The following ADGRG6 variants were observed in gnomAD, a reference collection of about 807,000 sequenced individuals.
ADGRG6 encodes the protein G-protein coupled receptor 126.
A neutral mutation model predicts 142.4 loss-of-function variants in ADGRG6; 84 were observed. The ratio of observed to expected loss-of-function variants is 0.59; its 90% CI spans 0.49 to 0.71. ADGRG6 has a LOEUF of 0.71. ADGRG6 is among the 30% of genes least tolerant of loss of function. ADGRG6 has a pLI of 0.00. For synonymous variants in ADGRG6, 521 were observed against 520.5 expected (o/e 1.00, Z -0.01); for missense variants, 1,367 against 1,466.6 (o/e 0.93, Z 1.11).
At chr6:142,429,739 G>C (rs1215331591) in intron 22 of ADGRG6, among the ~76,000 whole-genome samples, 1 of 152,106 alleles carries the variant, frequency 6.6e-6, no homozygotes, top group Non-Finnish European at 1.5e-5. Context: ...ACTAGTTCTT[G>C]ACCAGTTTTT....
chr6:142,344,494 A>G (rs1273274211), intron 2 of ADGRG6, among the ~76,000 whole-genome samples: 1 of 152,008 alleles, frequency 6.6e-6, no homozygotes, highest in Non-Finnish European at 1.5e-5. Context: ...CACATTTTAA[A>G]GAAAACAGTG....
chr6:142,446,151 T>A lies in ADGRG6; in HGVS notation c.*2636T>A, dbSNP rs903076276. ...TTTGAATATGATGAATAAAAGTGACTGTGAGTGCAAATAGAATTAGCAGTA... is the reference window on the plus strand; with the variant it reads ...TTTGAATATGATGAATAAAAGTGACAGTGAGTGCAAATAGAATTAGCAGTA... On this transcript the variant is annotated 3_prime_UTR_variant, in exon 25 of 25. Coordinates refer to ENST00000367609, the MANE Select transcript of ADGRG6 (RefSeq NM_198569.3). The A allele has an allele frequency of 6.6e-6, 1 of 152,642 alleles. No homozygotes were observed. Among genetic ancestry groups the A allele is most frequent in the Non-Finnish European group, 1.5e-5 (1 of 68,034 alleles). The allele number at this position is 152,642 out of a possible 1,614,324, so 9.5% of individuals were successfully genotyped here. A position where few individuals can be genotyped will look rare whatever the true frequency, so the allele number is the denominator to read the frequency against.
intron 17 of ADGRG6, 117 bp downstream of exon 17, chr6:142,410,036 T>TA: frequency 2.3e-6 from 1 of 443,320 alleles, no homozygotes; most frequent in Non-Finnish European, 4.1e-6. Flanking sequence ...AATGTAAGTG[T>TA]AAATGGCAAA....
At chr6:142,316,673 T>G (rs1778091742) in intron 2 of ADGRG6, among the ~76,000 whole-genome samples, 1 of 152,190 alleles carries the variant, frequency 6.6e-6, no homozygotes, top group South Asian at 2.1e-4. Flanking sequence ...AAGAATAGTT[T>G]AGCTGTATCA....
intron 7 of ADGRG6, among the ~76,000 whole-genome samples, chr6:142,392,165 A>G (rs1774927731): frequency 6.6e-6 from 1 of 151,980 alleles, no homozygotes; most frequent in South Asian, 2.1e-4. Flanking sequence ...TCAGTTTTAG[A>G]AATGCTTAAA....
chr6:142,370,081 G>C, intron 3 of ADGRG6, 89 bp from the exon 4 acceptor site: 1 of 1,123,500 alleles, frequency 8.9e-7, no homozygotes, highest in Non-Finnish European at 1.3e-6. Flanking sequence ...TTAACTAGTA[G>C]AAAGCGATGG....
chr6:142,378,286 C>T (rs77339265), intron 4 of ADGRG6, among the ~76,000 whole-genome samples: 4,645 of 152,204 alleles, frequency 0.031, 100 homozygotes, highest in Non-Finnish European at 0.044. Flanking sequence ...CTTTGTCTTC[C>T]AGAGATATTG....
intron 4 of ADGRG6, 70 bp from the exon 5 acceptor site, chr6:142,381,881 C>T (rs1005188279): frequency 6.5e-5 from 61 of 938,304 alleles, no homozygotes; most frequent in Middle Eastern, 2.1e-4. Context: ...TTACATCAAC[C>T]GTATGATTTT....
chr6:142,375,306 C>T (rs747921423), intron 4 of ADGRG6, among the ~76,000 whole-genome samples: 2 of 152,130 alleles, frequency 1.3e-5, no homozygotes, highest in African/African-American at 4.8e-5. Flanking sequence ...GTGAACTTAA[C>T]GGAGTCAATA....
At chr6:142,318,959 G>A (rs1778386905) in intron 2 of ADGRG6, among the ~76,000 whole-genome samples, 1 of 152,064 alleles carries the variant, frequency 6.6e-6, no homozygotes, top group South Asian at 2.1e-4. Flanking sequence ...CTACAGTTCT[G>A]TAAGTAAGAT....
intron 2 of ADGRG6, among the ~76,000 whole-genome samples, chr6:142,317,878 ATATATATTTATAT>A (rs1339334900): frequency 6.5e-5 from 5 of 77,474 alleles, no homozygotes; most frequent in Non-Finnish European, 4.4e-5. Context: ...TTTATATATT[ATATATATTTATAT>A]TATATATTTA....
At chr6:142,308,889 G>T (rs990594768) in intron 1 of ADGRG6, among the ~76,000 whole-genome samples, 1 of 151,744 alleles carries the variant, frequency 6.6e-6, no homozygotes, top group Non-Finnish European at 1.5e-5. Context: ...TCATGCAGAA[G>T]GATAGTTGAG....
intron 2 of ADGRG6, among the ~76,000 whole-genome samples, chr6:142,361,087 T>G (rs891102160): frequency 6.6e-6 from 1 of 152,210 alleles, no homozygotes; most frequent in African/African-American, 2.4e-5. Context: ...CTTGAAATTC[T>G]TAGAGAAAGA....
At chr6:142,392,905 A>G (rs751060908) in intron 7 of ADGRG6, 43 bp from the exon 8 acceptor site, 14 of 1,333,930 alleles carry the variant, frequency 1.0e-5, no homozygotes, top group Non-Finnish European at 1.2e-5. Flanking sequence ...GATATTTTTT[A>G]AAGGTATTAG....
chr6:142,410,465 G>T (rs1386680390), intron 17 of ADGRG6, among the ~76,000 whole-genome samples: 2 of 146,828 alleles, frequency 1.4e-5, no homozygotes, highest in Non-Finnish European at 3.0e-5. Flanking sequence ...ATTAAGGGAT[G>T]AATCAATCAG....
At chr6:142,437,356 T>C (rs1037896699) in intron 22 of ADGRG6, 78 bp from the exon 23 acceptor site, 2 of 693,990 alleles carry the variant, frequency 2.9e-6, no homozygotes, top group Non-Finnish European at 2.5e-6. Flanking sequence ...AAAATTAAAA[T>C]GAATCCATGT....
Position 142,370,492 on chromosome 6 carries a change from T to C in ADGRG6, c.768T>C (p.Val256=). 6.2e-7 allele frequency: 1 copy of C among 1,613,662 alleles called. No homozygotes were observed. The highest frequency in any genetic ancestry group is 8.5e-7 in the Non-Finnish European group (1 of 1,179,570). Residue 256 remains valine, a synonymous_variant, in exon 4 of 25, where the codon GTT becomes GTC. Coordinates refer to ENST00000367609, the MANE Select transcript of ADGRG6 (RefSeq NM_198569.3). ...AAAGCTTTGAACAGCTCTGCCTTGT[T>C]TGGAATAATTCTTTGGGCTCTATTG... ...FAESFEQLCL[V]WNNSLGSIGV... is the part of the protein sequence containing the mutation.
In ADGRG6 at chr6:142,405,757, T is replaced by A; in HGVS notation, c.2197T>A (p.Leu733Ile). The A allele has an allele frequency of 6.2e-7, 1 of 1,607,532 alleles. No homozygotes were observed. Among genetic ancestry groups the A allele is most frequent in the Non-Finnish European group, 8.5e-7 (1 of 1,175,056 alleles). ...TTTGCCTCCAAACTTACTTGAGAAT[T>A]TAAGTCCAGAAGATTCTGTATTAGT... The part of the protein sequence containing the change: ...VILPPNLLEN[L>I]SPEDSVLVRR... Residue 733 changes from leucine (L) to isoleucine (I), a missense_variant, in exon 15 of 25, where the codon TTA becomes ATA. By Grantham distance (5) the Leu-to-Ile change is conservative. This residue lies in a region of ADGRG6 where 286 missense variants were observed against 371.4 expected (regional missense o/e 0.77). Coordinates refer to ENST00000367609, the MANE Select transcript of ADGRG6 (RefSeq NM_198569.3).
At chr6:142,397,842 C>A (rs184729292) in intron 10 of ADGRG6, 87 bp downstream of exon 10, 5 of 816,058 alleles carry the variant, frequency 6.1e-6, no homozygotes, top group Admixed American at 4.0e-5. Context: ...TTTCTTTATG[C>A]GCTATTTGTT....
Sources: allele counts gnomAD v4.1 joint callset (sites outside exome capture counted in the v4.1 genomes callset), GRCh38; gene constraint gnomAD v4.1.1; regional missense constraint gnomAD v4.1.1; transcripts MANE v1.5; gene names NCBI Gene and HGNC (gene_info 2026-07-23, HGNC 2026-07-21).